SNED1: variants seen among roughly 807,000 people sequenced by gnomAD.
SNED1 encodes the protein sushi, nidogen and EGF-like domain-containing protein 1.
A neutral mutation model predicts 166.7 loss-of-function variants in SNED1; 81 were observed. The observed-to-expected ratio is 0.49, with a 90% CI of 0.41 to 0.58. The LOEUF (loss-of-function observed/expected upper bound fraction) is 0.58. SNED1 is among the 20% of genes least tolerant of loss of function. The probability of loss-of-function intolerance (pLI) is 0.00; values close to 1 mark genes in which losing one functional copy is unlikely to be tolerated. For missense variants in SNED1, 1,604 were observed against 2,000.2 expected, an observed-to-expected ratio of 0.80 and a Z score of 3.78; for synonymous variants, 762 against 822.0, an observed-to-expected ratio of 0.93 and a Z score of 1.25.
upstream of SNED1, among the ~76,000 whole-genome samples, chr2:240,998,501 C>T (rs1482558617): frequency 6.6e-6 from 1 of 152,186 alleles, no homozygotes; most frequent in Non-Finnish European, 1.5e-5. Flanking sequence ...GAGCTCCCCG[C>T]GCGCCCGCGC....
chr2:241,041,048 A>T (rs2125044917), intron 8 of SNED1: 1 of 356,012 alleles, frequency 2.8e-6, no homozygotes, highest in East Asian at 9.1e-5. Context: ...GATGCTAAAG[A>T]CAAACTATTC....
In SNED1 at chr2:241,064,117, G is replaced by A; in HGVS notation, c.2591G>A (p.Cys864Tyr). The A allele has an allele frequency of 6.4e-7, 1 of 1,558,706 alleles. No homozygotes were observed. Among genetic ancestry groups the A allele is most frequent in the Non-Finnish European group, 8.7e-7 (1 of 1,152,800 alleles). Residue 864 changes from cysteine (C) to tyrosine (Y), a missense_variant, in exon 19 of 32, where the codon TGC becomes TAC. Cys to Tyr is a radical substitution (Grantham distance 194). Around this residue, in one of 2 missense-constraint regions of SNED1, gnomAD observed 1,237 missense variants for 1,620.8 expected, o/e 0.76. Transcript: ENST00000310397. This position sits in a 1 kb window ranked among gnomAD's most constrained non-coding sequence, Gnocchi z 7.0. ...VCPESFFGYH[C>Y]ETVSDPCFSS... ...CCAGAGAGCTTCTTCGGCTACCACT[G>A]CGAGACAGGTAGGGCGGCAGGCCTG...
At chr2:241,009,002 G>A (rs958489500) in intron 1 of SNED1, among the ~76,000 whole-genome samples, 1 of 152,276 alleles carries the variant, frequency 6.6e-6, no homozygotes, top group Non-Finnish European at 1.5e-5. Flanking sequence ...GCAAAGTGGA[G>A]CAGGCAAGGC....
chr2:241,019,954 G>A (rs548359925), intron 1 of SNED1, among the ~76,000 whole-genome samples: 4 of 152,302 alleles, frequency 2.6e-5, no homozygotes, highest in African/African-American at 7.2e-5. Context: ...CAGTAAGTAC[G>A]TGAGTGTGCT....
chr2:241,038,561 C>T (rs2061438291), intron 6 of SNED1, among the ~76,000 whole-genome samples: 3 of 152,252 alleles, frequency 2.0e-5, no homozygotes, highest in Admixed American at 2.0e-4. Flanking sequence ...CCAGTTATCC[C>T]TTGCTCCCCG....
Position 241,042,151 on chromosome 2 carries a change from G to A in SNED1, c.1273+1738G>A, listed in dbSNP as rs183502185. ...AGGATGGTGCTCCTGAGGCAGGAGG[G>A]AGCATGAGATCAAGAGGAGACCTCC... On this transcript the variant is annotated intron_variant, in intron 8 of 31. Coordinates refer to ENST00000310397, the MANE Select transcript of SNED1 (RefSeq NM_001080437.3). Among the ~76,000 whole-genome samples the A allele has an allele frequency of 1.8e-3, 268 of 152,268 alleles. 2 individuals carry two copies. The highest frequency in any genetic ancestry group is 3.7e-3 in the Admixed American group (57 of 15,302).
At chr2:241,012,007 C>T (rs111678023) in intron 1 of SNED1, among the ~76,000 whole-genome samples, 7,616 of 152,228 alleles carry the variant, frequency 0.05, 297 homozygotes, top group African/African-American at 0.11. Flanking sequence ...GGGCAGGCGG[C>T]GGGTGGGCCC....
chr2:241,009,598 G>A (rs1171173981), intron 1 of SNED1, among the ~76,000 whole-genome samples: 1 of 152,124 alleles, frequency 6.6e-6, no homozygotes, highest in Non-Finnish European at 1.5e-5. Flanking sequence ...AAGCCACAGG[G>A]AGACCCAGCA....
chr2:241,047,856 G>A (rs767504029), intron 8 of SNED1, among the ~76,000 whole-genome samples: 18 of 152,018 alleles, frequency 1.2e-4, no homozygotes, highest in Non-Finnish European at 1.9e-4. Flanking sequence ...GTCCAATCCC[G>A]GGTGGCTTCT....
At chr2:241,017,338 G>A (rs181921506) in intron 1 of SNED1, among the ~76,000 whole-genome samples, 1 of 152,238 alleles carries the variant, frequency 6.6e-6, no homozygotes, top group Admixed American at 6.5e-5. Context: ...TGCTGTCTAA[G>A]TCCTGCCAGC....
intron 27 of SNED1, among the ~76,000 whole-genome samples, chr2:241,076,986 G>A (rs1163037171): frequency 1.3e-5 from 2 of 152,144 alleles, no homozygotes; most frequent in Non-Finnish European, 2.9e-5. Context: ...GGCTGAGGCA[G>A]GAGAATGGCG....
intron 8 of SNED1, among the ~76,000 whole-genome samples, 169 bp downstream of exon 8, chr2:241,040,582 A>G (rs528158143): frequency 6.6e-6 from 1 of 152,320 alleles, no homozygotes; most frequent in South Asian, 2.1e-4. Flanking sequence ...CTTCCCGCTC[A>G]GCCTGGATCC....
chr2:241,056,611 C>T (rs572252627), intron 16 of SNED1, among the ~76,000 whole-genome samples: 6 of 86,068 alleles, frequency 7.0e-5, no homozygotes, highest in South Asian at 4.3e-4. Flanking sequence ...GACGGAGTCT[C>T]GCTCTGTCTT....
intron 29 of SNED1, among the ~76,000 whole-genome samples, chr2:241,083,956 T>C (rs562556819): frequency 2.6e-5 from 4 of 152,126 alleles, no homozygotes; most frequent in Admixed American, 6.5e-5. Flanking sequence ...TCTTTTTTCC[T>C]GCCTAATTTT....
In SNED1 at chr2:241,057,384, TATATATA is replaced by T. The variant is rs373538999; in HGVS notation, c.2257+4059_2257+4065del. Among the ~76,000 whole-genome samples the T allele has an allele frequency of 6.6e-4, 26 of 39,150 alleles. No individual in the cohort carries two copies. In the East Asian group the frequency reaches 0.016, roughly 25 times the overall value. 25.7% of individuals were successfully genotyped at this position (39,150 alleles called of 152,430 possible). On this transcript the variant is annotated intron_variant, in intron 16 of 31. Transcript: ENST00000310397. ...ACGAGCAAAACTCCATCTCAAAATA[TATATATA>T]TATATATATATATATATATATGCCA...
intron 1 of SNED1, among the ~76,000 whole-genome samples, chr2:241,028,783 T>C (rs1047317827): frequency 4.6e-5 from 7 of 152,236 alleles, no homozygotes; most frequent in South Asian, 4.1e-4. Context: ...AAAGTTTGCA[T>C]TGATCTCTTT....
chr2:241,082,138 C>G, intron 28 of SNED1, 139 bp from the exon 29 acceptor site: 1 of 670,148 alleles, frequency 1.5e-6, no homozygotes, highest in Non-Finnish European at 2.6e-6. Context: ...TGCAGACCCC[C>G]GGGCCCTCTC....
At position 241,071,685 on chromosome 2, in the gene SNED1, C is replaced by A. The variant is rs1259212980; in HGVS notation, c.3699C>A (p.Asp1233Glu). 6.5e-7 allele frequency: 1 copy of A among 1,539,620 alleles called. No individual in the cohort carries two copies. The highest frequency in any genetic ancestry group is 8.7e-7 in the Non-Finnish European group (1 of 1,146,148). The change falls in exon 25 of 32, where the codon GAC (aspartate) becomes GAA (glutamate). Residue 1233 changes from aspartate to glutamate, a missense_variant. Asp to Glu is a conservative substitution (Grantham distance 45). This residue lies in a region of SNED1 where 367 missense variants were observed against 379.4 expected (regional missense o/e 0.97). Coordinates refer to ENST00000310397, the MANE Select transcript of SNED1 (RefSeq NM_001080437.3). Reference sequence around the variant, plus strand: ...TGCCGGAGCTGCGCCTGCTCAATGACCACAGCGCCCCCGAGACCCCCACCC... The same window carrying A: ...TGCCGGAGCTGCGCCTGCTCAATGAACACAGCGCCCCCGAGACCCCCACCC... ...ARLPELRLLN[D>E]HSAPETPTQP...
chr2:241,064,872 T>C lies in SNED1; in HGVS notation c.2628T>C (p.Cys876=). ...TVSDPCFSSP[C]GGRGYCLASN... is the part of the protein sequence containing the mutation. ...GTGACCCCTGCTTCTCCAGCCCCTG[T>C]GGGGGCCGTGGCTATTGCCTGGCCA... Residue 876 remains cysteine, a synonymous_variant, in exon 20 of 32, where the codon TGT becomes TGC. Transcript: ENST00000310397. The surrounding 1 kb of genome is among the most constrained non-coding windows in gnomAD (Gnocchi z 7.0). 1.3e-6 allele frequency: 2 copies of C among 1,590,740 alleles called. No homozygotes were observed. Among genetic ancestry groups the C allele is most frequent in the African/African-American group, 2.7e-5 (2 of 73,192 alleles).
Sources: gnomAD v4.1 joint callset for allele counts (sites outside exome capture counted in the v4.1 genomes callset) on GRCh38, gnomAD v4.1.1 for gene constraint, gnomAD v4.1.1 regional missense constraint, Gnocchi (gnomAD v3.1) non-coding constraint, MANE v1.5 for transcripts, NCBI Gene and HGNC (gene_info 2026-07-23, HGNC 2026-07-21) for gene names.